Variants in CCDC77 observed in about 807,000 individuals in gnomAD.
CCDC77 encodes coiled-coil domain containing 77.
In CCDC77, 56 loss-of-function variants were observed where a neutral mutation model predicts 66.8. The observed-to-expected ratio is 0.84, with a 90% confidence interval of 0.68 to 1.05. The LOEUF (loss-of-function observed/expected upper bound fraction) is 1.05, where lower values mean the gene tolerates loss of function less well. CCDC77 is among the 50% of genes least tolerant of loss of function. CCDC77 has a pLI of 0.00. For synonymous variants in CCDC77, 196 were observed against 195.2 expected, an observed-to-expected ratio of 1.00 and a Z score of -0.03; for missense variants, 570 against 576.8, an observed-to-expected ratio of 0.99 and a Z score of 0.12.
chr12:417,222 A>G (rs1280954300), intron 4 of CCDC77, among the ~76,000 whole-genome samples: 5 of 151,716 alleles, frequency 3.3e-5, no homozygotes, highest in Admixed American at 2.6e-4. Context: ...TATTTCACTT[A>G]GCATAATGTC....
intron 3 of CCDC77, 126 bp from the exon 4 acceptor site, chr12:411,621 C>A: frequency 1.3e-6 from 1 of 793,664 alleles, no homozygotes; most frequent in Non-Finnish European, 2.0e-6. Flanking sequence ...CCTGTCCAAA[C>A]TTCCAAATTT....
At chr12:412,011 G>T (rs767897223) in intron 4 of CCDC77, 33 bp downstream of exon 4, 2 of 1,493,022 alleles carry the variant, frequency 1.3e-6, no homozygotes, top group Non-Finnish European at 9.3e-7. Context: ...TTAGAACTCT[G>T]ATGGAGTCTT....
In CCDC77 at chr12:416,335, GTGTGT is replaced by G. The variant is rs1565568909; in HGVS notation, c.271-2158_271-2154del. Among the ~76,000 whole-genome samples the G allele has an allele frequency of 3.8e-4, 17 of 45,088 alleles. No individual in the cohort carries two copies. In the East Asian group the frequency reaches 0.011, roughly 29 times the overall value. The allele number at this position is 45,088 out of a possible 152,430, so 29.6% of individuals were successfully genotyped here. On this transcript the variant is annotated intron_variant, in intron 4 of 12. Transcript: ENST00000239830. Reference sequence around the variant, plus strand: ...TGTGTGTGTGTGTGTGAGTCTGTGGGTGTGTGGGGGTGTGTGTGTGTGTGTGTGTG... The same window carrying G: ...TGTGTGTGTGTGTGTGAGTCTGTGGGGGGGGTGTGTGTGTGTGTGTGTGTG...
chr12:441,073 A>T, intron 12 of CCDC77, 77 bp downstream of exon 12: 1 of 1,469,256 alleles, frequency 6.8e-7, no homozygotes, highest in Non-Finnish European at 9.4e-7. Flanking sequence ...GGCCCCTGAA[A>T]AGAAGGATGT....
Position 416,401 on chromosome 12 carries a change from A to ATG in CCDC77, c.271-2092_271-2091insGT, listed in dbSNP as rs1346836223. On this transcript the variant is annotated intron_variant, in intron 4 of 12. Transcript: ENST00000239830. ...TGTATATATATATATATATATATAT[A>ATG]TATATATATATATATTTCTTTTTTT... Among the ~76,000 whole-genome samples the ATG allele has an allele frequency of 0.035, 1,900 of 53,640 alleles. 308 individuals are homozygous for ATG. In the East Asian group the frequency reaches 0.41, roughly 12 times the overall value. 35.2% of individuals were successfully genotyped at this position (53,640 alleles called of 152,430 possible).
intron 3 of CCDC77, among the ~76,000 whole-genome samples, chr12:411,223 G>T (rs1945102775): frequency 6.6e-6 from 1 of 151,796 alleles, no homozygotes; most frequent in Non-Finnish European, 1.5e-5. Context: ...CGCCAGGCTG[G>T]AGTGCAATGG....
intron 4 of CCDC77, among the ~76,000 whole-genome samples, chr12:413,867 A>G (rs536668410): frequency 6.6e-6 from 1 of 150,928 alleles, no homozygotes; most frequent in Non-Finnish European, 1.5e-5. Context: ...AGTTCAGGCA[A>G]CCTGCCTGCC....
chr12:440,102 A>T (rs9669365), intron 10 of CCDC77, among the ~76,000 whole-genome samples: 47,621 of 152,082 alleles, frequency 0.31, 7,709 homozygotes, highest in Middle Eastern at 0.4. Flanking sequence ...AGAAGCCAGC[A>T]TTGGCAGCAG....
At chr12:395,025 G>GT in intron 1 of CCDC77, 2 of 152,180 alleles carry the variant, frequency 1.3e-5, no homozygotes. Context: ...AGTGGAGAAA[G>GT]TAAGGGGGCT....
At chr12:398,664 T>C (rs1591954858), upstream of CCDC77, among the ~76,000 whole-genome samples, 1 of 152,288 alleles carries the variant, frequency 6.6e-6, no homozygotes, top group East Asian at 1.9e-4. Flanking sequence ...TCCAAGAGGA[T>C]TGGAATTAAC....
intron 9 of CCDC77, 25 bp from the exon 10 acceptor site, chr12:438,310 T>C: frequency 2.6e-6 from 4 of 1,520,802 alleles, no homozygotes; most frequent in Non-Finnish European, 3.6e-6. Context: ...CATCCTCATG[T>C]CTGCATTTAT....
intron 5 of CCDC77, among the ~76,000 whole-genome samples, chr12:426,948 T>G (rs1273672017): frequency 6.6e-6 from 1 of 152,138 alleles, no homozygotes; most frequent in Non-Finnish European, 1.5e-5. Context: ...GCCTCTTCTT[T>G]AGGTAATTGT....
At chr12:397,454 AGGCATAACTT>A (rs1944843377), upstream of CCDC77, among the ~76,000 whole-genome samples, 2 of 152,176 alleles carry the variant, frequency 1.3e-5, no homozygotes, top group Admixed American at 6.6e-5. Context: ...TTGGGAGTAC[AGGCATAACTT>A]GGAGATATTG....
intron 5 of CCDC77, among the ~76,000 whole-genome samples, chr12:423,271 G>A (rs1311525476): frequency 6.9e-6 from 1 of 144,946 alleles, no homozygotes; most frequent in East Asian, 2.0e-4. Flanking sequence ...CTACATGCAT[G>A]TGCTGCCATG....
chr12:410,928 T>A (rs906450336), intron 3 of CCDC77, among the ~76,000 whole-genome samples: 12 of 152,140 alleles, frequency 7.9e-5, no homozygotes, highest in African/African-American at 2.7e-4. Flanking sequence ...TTAAATTATC[T>A]TTTTCGTCTC....
At chr12:405,983 A>G (rs1010946703) in intron 2 of CCDC77, among the ~76,000 whole-genome samples, 2 of 146,976 alleles carry the variant, frequency 1.4e-5, no homozygotes, top group Non-Finnish European at 3.0e-5. Context: ...CAATGGCGTG[A>G]TCATGGCTCA....
chr12:416,377 GTATATATA>G (rs1167006549), intron 4 of CCDC77, among the ~76,000 whole-genome samples: 65 of 20,578 alleles, frequency 3.2e-3, no homozygotes, highest in Admixed American at 5.0e-3. Flanking sequence ...GTGTGTGTGT[GTATATATA>G]TATATATATA....
chr12:405,282 G>A (rs1241350632), intron 1 of CCDC77, among the ~76,000 whole-genome samples: 1 of 152,198 alleles, frequency 6.6e-6, no homozygotes, highest in East Asian at 1.9e-4. Flanking sequence ...CTTAGGACTG[G>A]GAGACAGGGA....
intron 2 of CCDC77, among the ~76,000 whole-genome samples, chr12:406,776 G>A (rs1386760740): frequency 1.3e-5 from 2 of 152,070 alleles, no homozygotes; most frequent in African/African-American, 2.4e-5. Context: ...GTGAAACCCC[G>A]TCTCTACTAA....
Sources: gnomAD v4.1 joint callset for allele counts (sites outside exome capture counted in the v4.1 genomes callset) on GRCh38, gnomAD v4.1.1 for gene constraint, MANE v1.5 for transcripts, NCBI Gene and HGNC (gene_info 2026-07-23, HGNC 2026-07-21) for gene names.